Variants in RANGAP1 observed in about 807,000 individuals in gnomAD.
RANGAP1 encodes the protein Ran GTPase activating protein 1, also known as ran GTPase-activating protein 1.
RANGAP1 carries 38 observed loss-of-function variants against 63.5 expected under a neutral mutation model. The observed-to-expected ratio is 0.60, with a 90% confidence interval of 0.46 to 0.78. RANGAP1 has a LOEUF of 0.78. Among genes scored for constraint, RANGAP1 ranks in the 30% least tolerant of loss-of-function variants. The pLI, the probability that RANGAP1 is intolerant of heterozygous loss-of-function variation, is 0.00. For synonymous variants in RANGAP1, 329 were observed against 310.5 expected, an observed-to-expected ratio of 1.06 and a Z score of -0.63; for missense variants, 630 against 740.3, an observed-to-expected ratio of 0.85 and a Z score of 1.73.
intron 4 of RANGAP1, 44 bp from the exon 5 acceptor site, chr22:41,264,887 T>A: frequency 1.3e-6 from 2 of 1,560,094 alleles, no homozygotes; most frequent in Non-Finnish European, 1.8e-6. Context: ...GACACCCAGC[T>A]TCTGTGCTGG....
intron 11 of RANGAP1, among the ~76,000 whole-genome samples, chr22:41,253,795 A>G (rs1041445303): frequency 5.9e-5 from 9 of 152,230 alleles, no homozygotes; most frequent in African/African-American, 9.6e-5. Context: ...AGACATTTAT[A>G]TTGGGGTAAA....
chr22:41,291,581 G>T, the RANGAP1 span, among the ~76,000 whole-genome samples: 34 of 115,214 alleles, frequency 3.0e-4, no homozygotes, highest in Non-Finnish European at 3.9e-4. Flanking sequence ...CGGATCAACA[G>T]AGTGAGATCC....
In RANGAP1 at chr22:41,247,512, C is replaced by T. The variant is rs553055896; in HGVS notation, c.1695-840G>A. ...GACCACAGGTACACACCACCACACC[C>T]GGCTAACTTTGTATTTTTTGTAGAG... On this transcript the variant is annotated intron_variant, in intron 15 of 15. Transcript: ENST00000356244. 1.2e-4 allele frequency among the ~76,000 whole-genome samples: 18 copies of T among 152,280 alleles called. No individual in the cohort carries two copies. The South Asian group carries it at 2.7e-3, about 23-fold the overall frequency.
the RANGAP1 span, among the ~76,000 whole-genome samples, chr22:41,294,323 G>A: frequency 2.0e-5 from 3 of 152,212 alleles, no homozygotes; most frequent in Admixed American, 1.3e-4. Context: ...CGAGGTGCCG[G>A]GATTGCAGAC....
At chr22:41,252,412 G>A (rs1601596063) in intron 12 of RANGAP1, among the ~76,000 whole-genome samples, 1 of 152,314 alleles carries the variant, frequency 6.6e-6, no homozygotes, top group East Asian at 1.9e-4. Context: ...GTGCCTGGCA[G>A]AAAATGGATG....
At chr22:41,299,424 G>A in the RANGAP1 span, among the ~76,000 whole-genome samples, 4 of 151,890 alleles carry the variant, frequency 2.6e-5, no homozygotes, top group African/African-American at 9.7e-5. Context: ...GAGCCACCGC[G>A]CCCGGCCTAA....
intron 6 of RANGAP1, among the ~76,000 whole-genome samples, chr22:41,260,851 C>A (rs1250737311): frequency 6.6e-6 from 1 of 152,056 alleles, no homozygotes; most frequent in Non-Finnish European, 1.5e-5. Flanking sequence ...TCAAAAAAAA[C>A]AGGAAAGAGA....
the RANGAP1 span, among the ~76,000 whole-genome samples, chr22:41,291,263 C>T: frequency 1.3e-5 from 2 of 152,086 alleles, no homozygotes; most frequent in South Asian, 2.1e-4. Context: ...GAGGATTTCC[C>T]GGTACCAAAT....
Position 41,257,975 on chromosome 22 carries a change from A to G in RANGAP1, c.747T>C (p.Thr249=), listed in dbSNP as rs1430678060. The G allele has an allele frequency of 1.2e-6, 2 of 1,611,902 alleles. No individual in the cohort carries two copies. The highest frequency in any genetic ancestry group is 1.1e-5 in the South Asian group (1 of 90,768). Reference sequence around the variant, plus strand: ...CGGCCATGGCCACGGCGCCCTTCTCAGTGAAGGTGTTGTCATTCAGGTTGA... The same window carrying G: ...CGGCCATGGCCACGGCGCCCTTCTCGGTGAAGGTGTTGTCATTCAGGTTGA... ...RVINLNDNTF[T]EKGAVAMAET... The change falls in exon 7 of 16, where the codon ACT becomes ACC. Residue 249 remains threonine (T), a synonymous_variant. Coordinates refer to ENST00000356244, the MANE Select transcript of RANGAP1 (RefSeq NM_002883.4). This position sits in a 1 kb window ranked among gnomAD's most constrained non-coding sequence, Gnocchi z 4.0.
At chr22:41,288,786 G>A (rs1359276738), upstream of RANGAP1, among the ~76,000 whole-genome samples, 10 of 151,958 alleles carry the variant, frequency 6.6e-5, no homozygotes, top group Admixed American at 6.6e-4. Flanking sequence ...GGGGCTTGTC[G>A]GGGCTTGGTG....
intron 11 of RANGAP1, 59 bp downstream of exon 11, chr22:41,254,249 C>G: frequency 6.2e-7 from 1 of 1,600,526 alleles, no homozygotes; most frequent in Non-Finnish European, 8.6e-7. Context: ...GTGAAAGTGC[C>G]TCGGGATTTC....
In RANGAP1 at chr22:41,250,930, G is replaced by A. The variant is rs146772278; in HGVS notation, c.1483+77C>T. On this transcript the variant is annotated intron_variant, in intron 13 of 15. Transcript: ENST00000356244. ...GAGAGCGCTGGGGCTGACGAGTTACGGCAACCACGAAGGATACCTGGGGCC... is the reference window on the plus strand; with the variant it reads ...GAGAGCGCTGGGGCTGACGAGTTACAGCAACCACGAAGGATACCTGGGGCC... The A allele has an allele frequency of 9.9e-5, 124 of 1,253,722 alleles. No homozygotes were observed. The East Asian group carries it at 2.7e-3, about 28-fold the overall frequency. The allele number at this position is 1,253,722 out of a possible 1,614,324, so 77.7% of individuals were successfully genotyped here. A position where few individuals can be genotyped will look rare whatever the true frequency, so the allele number is the denominator to read the frequency against.
the RANGAP1 span, among the ~76,000 whole-genome samples, chr22:41,292,240 T>C: frequency 2.0e-5 from 3 of 151,988 alleles, no homozygotes; most frequent in Admixed American, 2.0e-4. Context: ...CTCTGCCTCC[T>C]TGGTTCAAGA....
chr22:41,249,700 C>T, intron 14 of RANGAP1, 29 bp downstream of exon 14: 3 of 1,594,544 alleles, frequency 1.9e-6, no homozygotes, highest in African/African-American at 1.3e-5. Flanking sequence ...CCACCTCCCT[C>T]CCGGGCCTGC....
At chr22:41,267,522 C>T (rs2034552266) in intron 4 of RANGAP1, among the ~76,000 whole-genome samples, 1 of 152,162 alleles carries the variant, frequency 6.6e-6, no homozygotes, top group African/African-American at 2.4e-5. Context: ...CCAGGCATGC[C>T]TTTCTGTGTT....
Position 41,249,778 on chromosome 22 carries a change from T to G in RANGAP1, c.1523A>C (p.Asn508Thr). 1.2e-6 allele frequency: 2 copies of G among 1,613,918 alleles called. No homozygotes were observed. The highest frequency in any genetic ancestry group is 1.7e-6 in the Non-Finnish European group (2 of 1,179,868). Reference protein sequence around the residue: ...MQKAFNSSSFNSNTFLTRLLV... With the variant: ...MQKAFNSSSFTSNTFLTRLLV... ...CAGCCTGGTGAGGAAGGTGTTGGAGTTGAAGGACGAGGAGTTGAAAGCCTT... is the reference window on the plus strand; with the variant it reads ...CAGCCTGGTGAGGAAGGTGTTGGAGGTGAAGGACGAGGAGTTGAAAGCCTT... Residue 508 changes from asparagine to threonine, a missense_variant, in exon 14 of 16, where the codon AAC becomes ACC. Physicochemically the swap from Asn to Thr is moderately conservative, Grantham distance 65. Around this residue, in one of 3 missense-constraint regions of RANGAP1, gnomAD observed 428 missense variants for 465.5 expected, o/e 0.92. Transcript: ENST00000356244.
intron 3 of RANGAP1, among the ~76,000 whole-genome samples, chr22:41,273,766 C>CAAAA (rs71200678): frequency 0.026 from 632 of 24,346 alleles, 137 homozygotes; most frequent in African/African-American, 0.096. Flanking sequence ...GACTCCATCT[C>CAAAA]AAAAAAAAAA....
chr22:41,246,959 T>A (rs1465125126), intron 15 of RANGAP1, among the ~76,000 whole-genome samples: 3 of 152,248 alleles, frequency 2.0e-5, no homozygotes, highest in Non-Finnish European at 4.4e-5. Context: ...GAATCCTTAC[T>A]GGCTGCCAGT....
chr22:41,287,382 G>GTT (rs1555950580), upstream of RANGAP1, among the ~76,000 whole-genome samples: 5 of 133,778 alleles, frequency 3.7e-5, no homozygotes, highest in Non-Finnish European at 6.6e-5. Flanking sequence ...TTTTTTTTTT[G>GTT]TTTTTTTTTT....
Sources: allele counts gnomAD v4.1 joint callset (sites outside exome capture counted in the v4.1 genomes callset), GRCh38; gene constraint gnomAD v4.1.1; regional missense constraint gnomAD v4.1.1; non-coding constraint Gnocchi (gnomAD v3.1); transcripts MANE v1.5; gene names NCBI Gene and HGNC (gene_info 2026-07-23, HGNC 2026-07-21).